Variants in SUMF1 observed in about 807,000 individuals in gnomAD.
SUMF1 encodes sulfatase modifying factor 1, also known as formylglycine-generating enzyme.
SUMF1 carries 48 observed loss-of-function variants against 47.6 expected under a neutral mutation model. The observed-to-expected ratio is 1.01, with a 90% confidence interval of 0.80 to 1.28. SUMF1 has a LOEUF of 1.28. SUMF1 is among the 50% of genes most tolerant of loss of function. The pLI, the probability that SUMF1 is intolerant of heterozygous loss-of-function variation, is 0.00. For synonymous variants in SUMF1, 230 were observed against 192.1 expected, an observed-to-expected ratio of 1.20 and a Z score of -1.63; for missense variants, 571 against 485.4, an observed-to-expected ratio of 1.18 and a Z score of -1.66.
intron 8 of SUMF1, among the ~76,000 whole-genome samples, chr3:4,347,796 C>T (rs1230581875): frequency 6.6e-6 from 1 of 152,142 alleles, no homozygotes; most frequent in Non-Finnish European, 1.5e-5. Context: ...TCATCTCAGC[C>T]CCAAAACTTC....
chr3:4,454,863 G>A (rs1390810282), intron 1 of SUMF1, among the ~76,000 whole-genome samples: 1 of 152,178 alleles, frequency 6.6e-6, no homozygotes, highest in African/African-American at 2.4e-5. Flanking sequence ...GAAATGTCCA[G>A]AATAGGCAAA....
intron 8 of SUMF1, among the ~76,000 whole-genome samples, chr3:4,375,862 T>C (rs1700310601): frequency 1.3e-5 from 2 of 152,196 alleles, no homozygotes; most frequent in African/African-American, 4.8e-5. Context: ...CTGGGAATGA[T>C]GCTTATTTCA....
chr3:4,438,829 T>C (rs374228734), intron 3 of SUMF1, among the ~76,000 whole-genome samples: 3 of 152,114 alleles, frequency 2.0e-5, no homozygotes, highest in African/African-American at 4.8e-5. Flanking sequence ...TATAGAATAT[T>C]GCACCCAATT....
chr3:4,288,315 C>G (rs17040341), intron 8 of SUMF1, among the ~76,000 whole-genome samples: 7,717 of 152,198 alleles, frequency 0.051, 643 homozygotes, highest in African/African-American at 0.18. Context: ...ATGTCATCAG[C>G]TTTAGGCAAA....
At position 4,138,870 on chromosome 3, in the gene SUMF1, CA is replaced by C. The variant is rs1694007502; in HGVS notation, c.1015-70126del. 3.3e-5 allele frequency among the ~76,000 whole-genome samples: 5 copies of C among 152,070 alleles called. 1 individual carries two copies. The highest frequency in any genetic ancestry group is 3.3e-4 in the Admixed American group (5 of 15,246). ...ATGGTCATGGGAACCCTCAAATTTG[CA>C]GCCAGCTGATGCGATGTTCTTGAGG... On this transcript the variant is annotated intron_variant and NMD_transcript_variant, in intron 8 of 12. Coordinates refer to the SUMF1 transcript ENST00000448413.
intron 8 of SUMF1, among the ~76,000 whole-genome samples, chr3:4,167,049 C>A (rs746522853): frequency 2.0e-5 from 3 of 152,206 alleles, no homozygotes; most frequent in Admixed American, 6.5e-5. Flanking sequence ...GTACTCACCA[C>A]GTGGCGATAC....
At position 4,212,591 on chromosome 3, in the gene SUMF1, G is replaced by A. The variant is rs1488347090; in HGVS notation, c.1015-143846C>T. Among the ~76,000 whole-genome samples, 9 of 152,260 alleles carry A rather than the reference G, an allele frequency of 5.9e-5. No homozygotes were observed. The East Asian group carries it at 1.5e-3, about 26-fold the overall frequency. On this transcript the variant is annotated intron_variant and NMD_transcript_variant, in intron 8 of 12. Transcript: ENST00000448413. ...GAATTGACAGAAGTAAGCTTTAGAAGGTGGTAAATAACAAACTCCTCTGAG... is the reference window on the plus strand; with the variant it reads ...GAATTGACAGAAGTAAGCTTTAGAAAGTGGTAAATAACAAACTCCTCTGAG...
chr3:4,438,700 T>A (rs532651684), intron 3 of SUMF1, among the ~76,000 whole-genome samples: 1 of 152,212 alleles, frequency 6.6e-6, no homozygotes, highest in Non-Finnish European at 1.5e-5. Flanking sequence ...AAATCTATCA[T>A]CTTAAATGGA....
At chr3:4,096,089 T>C (rs1185738781) in intron 8 of SUMF1, among the ~76,000 whole-genome samples, 1 of 152,142 alleles carries the variant, frequency 6.6e-6, no homozygotes, top group Non-Finnish European at 1.5e-5. Context: ...GAACAAGATA[T>C]CCTAAATTTG....
intron 8 of SUMF1, among the ~76,000 whole-genome samples, chr3:4,203,879 A>T (rs990824953): frequency 6.6e-6 from 1 of 151,946 alleles, no homozygotes; most frequent in African/African-American, 2.4e-5. Flanking sequence ...AAAACTCACA[A>T]TTTAATTTCA....
downstream of SUMF1, among the ~76,000 whole-genome samples, chr3:4,357,587 T>G (rs1035207844): frequency 3.4e-5 from 5 of 146,008 alleles, no homozygotes; most frequent in African/African-American, 1.3e-4. Context: ...TTTTATTTAT[T>G]TATTTATTTA....
chr3:4,393,426 G>C (rs1040060702), intron 7 of SUMF1, among the ~76,000 whole-genome samples: 3 of 152,104 alleles, frequency 2.0e-5, no homozygotes, highest in Non-Finnish European at 4.4e-5. Context: ...TCGACCTCCT[G>C]GGGTCAAGTG....
chr3:4,378,157 A>G (rs1310438688), intron 7 of SUMF1, among the ~76,000 whole-genome samples: 3 of 152,196 alleles, frequency 2.0e-5, no homozygotes, highest in Non-Finnish European at 4.4e-5. Context: ...CCTACCCAAC[A>G]TCACAGCTTA....
chr3:4,075,339 T>A (rs545152729), intron 8 of SUMF1, among the ~76,000 whole-genome samples: 1 of 152,150 alleles, frequency 6.6e-6, no homozygotes, highest in South Asian at 2.1e-4. Flanking sequence ...ATGGAACGTA[T>A]CTCAAAATAA....
intron 8 of SUMF1, among the ~76,000 whole-genome samples, chr3:4,253,627 G>T (rs973429038): frequency 6.6e-6 from 1 of 151,458 alleles, no homozygotes; most frequent in Non-Finnish European, 1.5e-5. Flanking sequence ...AAGGAATCTC[G>T]CTGATTGCTA....
chr3:4,131,815 T>C (rs1693797769), intron 8 of SUMF1, among the ~76,000 whole-genome samples: 1 of 152,064 alleles, frequency 6.6e-6, no homozygotes, highest in South Asian at 2.1e-4. Flanking sequence ...GTGGATAGGA[T>C]GACCCATTCT....
intron 8 of SUMF1, among the ~76,000 whole-genome samples, chr3:4,259,237 C>T (rs930117200): frequency 5.3e-5 from 8 of 151,860 alleles, no homozygotes; most frequent in Non-Finnish European, 1.0e-4. Flanking sequence ...ACAATGTGCA[C>T]ATGTACCCTA....
intron 8 of SUMF1, among the ~76,000 whole-genome samples, chr3:4,283,950 G>A (rs917396294): frequency 3.3e-5 from 5 of 152,114 alleles, no homozygotes; most frequent in East Asian, 1.9e-4. Context: ...TCCCATTCAC[G>A]AGAGATCTGC....
chr3:4,107,263 G>A (rs1432036396), intron 8 of SUMF1, among the ~76,000 whole-genome samples: 1 of 152,170 alleles, frequency 6.6e-6, no homozygotes, highest in Non-Finnish European at 1.5e-5. Context: ...TAAATGGGAA[G>A]ATAATTTTCC....
Sources: allele counts gnomAD v4.1 joint callset (sites outside exome capture counted in the v4.1 genomes callset), GRCh38; gene constraint gnomAD v4.1.1; transcripts MANE v1.5; gene names NCBI Gene and HGNC (gene_info 2026-07-23, HGNC 2026-07-21).